Variants in DNAH7 observed in about 807,000 individuals in gnomAD.
The protein encoded by DNAH7 is dynein axonemal heavy chain 7.
A neutral mutation model predicts 444.6 loss-of-function variants in DNAH7; 397 were observed. That is an observed-to-expected ratio of 0.89 (90% CI 0.82 to 0.97). DNAH7 has a LOEUF of 0.97. DNAH7 is among the 50% of genes least tolerant of loss of function. The probability of loss-of-function intolerance (pLI) is 0.00; values close to 1 mark genes in which losing one functional copy is unlikely to be tolerated. For synonymous variants in DNAH7, 1,636 were observed against 1,624.4 expected, an observed-to-expected ratio of 1.01 and a Z score of -0.17; for missense variants, 4,902 against 4,800.8, an observed-to-expected ratio of 1.02 and a Z score of -0.62.
rs756398621 is a variant in DNAH7 at position 195,855,810 on chromosome 2, C to G, written c.8595+1G>C. On this transcript the variant is annotated splice_donor_variant, in intron 45 of 64. Transcript: ENST00000312428. LOFTEE classifies it high-confidence loss of function. ...CCATCTTTTTCTATATCAGCACACA[C>G]CTGGTTTTCCAGGTCAGCCTTCTTT... 6.2e-7 allele frequency: 1 copy of G among 1,612,554 alleles called. No individual in the cohort carries two copies. Among genetic ancestry groups the G allele is most frequent in the South Asian group, 1.1e-5 (1 of 90,838 alleles).
intron 5 of DNAH7, among the ~76,000 whole-genome samples, chr2:196,041,081 C>A (rs1696726776): frequency 6.6e-6 from 1 of 151,674 alleles, no homozygotes; most frequent in South Asian, 2.1e-4. Flanking sequence ...AAATGCAAAG[C>A]AATCATGGAT....
intron 10 of DNAH7, among the ~76,000 whole-genome samples, chr2:196,002,613 A>G (rs1324217031): frequency 1.3e-5 from 2 of 152,204 alleles, no homozygotes; most frequent in Admixed American, 6.5e-5. Flanking sequence ...TGAATGTTCC[A>G]AGAGAGAAAA....
rs1378440833 is a variant in DNAH7, at chr2:195,808,552, A to G, written c.10083+130T>C. On this transcript the variant is annotated intron_variant, in intron 53 of 64. Transcript: ENST00000312428. ...CTGACTTAGAAGGGGGGATAACATA[A>G]ATCAAAATTTGCATTCTAACATGTG... is the stretch of plus-strand genomic sequence containing the variant. The G allele has an allele frequency of 7.5e-6, 8 of 1,070,722 alleles. No individual in the cohort carries two copies. The East Asian group carries it at 2.1e-4, about 28-fold the overall frequency. 66.3% of individuals were successfully genotyped at this position (1,070,722 alleles called of 1,614,324 possible).
At chr2:196,054,660 C>A (rs1005576275) in intron 2 of DNAH7, among the ~76,000 whole-genome samples, 1 of 152,194 alleles carries the variant, frequency 6.6e-6, no homozygotes, top group African/African-American at 2.4e-5. Flanking sequence ...TGTGTCCCAA[C>A]CCAAATCTCA....
intron 10 of DNAH7, among the ~76,000 whole-genome samples, chr2:196,010,717 ATG>A: frequency 6.6e-6 from 1 of 152,172 alleles, no homozygotes; most frequent in South Asian, 2.1e-4. Context: ...TAGTGTGTGT[ATG>A]TGTGTGTGTA....
At chr2:195,742,791 C>T (rs1474693587) in intron 63 of DNAH7, among the ~76,000 whole-genome samples, 3 of 152,164 alleles carry the variant, frequency 2.0e-5, no homozygotes, top group Non-Finnish European at 4.4e-5. Context: ...GACTGAGTCA[C>T]CTAGTAGTAC....
At chr2:195,944,039 T>C (rs999553696) in intron 19 of DNAH7, among the ~76,000 whole-genome samples, 3 of 152,166 alleles carry the variant, frequency 2.0e-5, no homozygotes, top group Non-Finnish European at 4.4e-5. Context: ...TTCTAAGTCC[T>C]TGATTATGCA....
chr2:195,980,844 CAGG>C (rs1306471916), intron 15 of DNAH7, among the ~76,000 whole-genome samples: 1 of 150,262 alleles, frequency 6.7e-6, no homozygotes, highest in Non-Finnish European at 1.5e-5. Flanking sequence ...AAATTGTGCA[CAGG>C]AGGACACAAT....
chr2:195,788,106 ACACT>A (rs1275318370), intron 57 of DNAH7, among the ~76,000 whole-genome samples: 2 of 152,144 alleles, frequency 1.3e-5, no homozygotes, highest in Non-Finnish European at 2.9e-5. Context: ...ACCCATGAAA[ACACT>A]CACAAGAGAT....
chr2:196,012,757 G>A (rs746525483), intron 10 of DNAH7, 30 bp downstream of exon 10: 2 of 1,594,602 alleles, frequency 1.3e-6, no homozygotes, highest in Admixed American at 3.5e-5. Context: ...TTAAACTTAT[G>A]CTTTCCTACA....
chr2:195,897,767 TAAAAA>T lies in DNAH7; in HGVS notation c.4549-7_4549-3del. 3.6e-5 allele frequency: 41 copies of T among 1,145,308 alleles called. No homozygotes were observed. The highest frequency in any genetic ancestry group is 8.5e-5 in the Admixed American group (3 of 35,442). The allele number at this position is 1,145,308 out of a possible 1,614,324, so 70.9% of individuals were successfully genotyped here. A position where few individuals can be genotyped will look rare whatever the true frequency, so the allele number is the denominator to read the frequency against. On this transcript the variant is annotated splice_region_variant and splice_polypyrimidine_tract_variant and intron_variant, in intron 28 of 64. Transcript: ENST00000312428. ...TTCATTTTCATTTGGATATTTCAGC[TAAAAA>T]AAAAAAAAAAAACTCATGAGGATAT...
chr2:196,057,081 C>T (rs1002208577), intron 2 of DNAH7, among the ~76,000 whole-genome samples: 1 of 151,984 alleles, frequency 6.6e-6, no homozygotes, highest in Non-Finnish European at 1.5e-5. Context: ...TTAATTACTG[C>T]GGAAGAACTT....
chr2:196,023,355 A>G (rs1451138000), intron 8 of DNAH7, among the ~76,000 whole-genome samples: 1 of 152,194 alleles, frequency 6.6e-6, no homozygotes, highest in Non-Finnish European at 1.5e-5. Context: ...TGAGCCAACT[A>G]AACCTCTTTT....
chr2:195,866,177 C>T (rs1406167781), intron 40 of DNAH7, among the ~76,000 whole-genome samples: 2 of 152,098 alleles, frequency 1.3e-5, no homozygotes, highest in South Asian at 2.1e-4. Flanking sequence ...TTACCTACCT[C>T]GCAAATCTCA....
chr2:195,874,136 C>T (rs1197481405), intron 38 of DNAH7, among the ~76,000 whole-genome samples: 1 of 152,136 alleles, frequency 6.6e-6, no homozygotes, highest in Non-Finnish European at 1.5e-5. Flanking sequence ...TCAGCACAAC[C>T]ATGACATATA....
In DNAH7 at chr2:195,775,881, T is replaced by G. The variant is rs749341210; in HGVS notation, c.11167A>C (p.Thr3723Pro). The G allele has an allele frequency of 6.8e-6, 11 of 1,613,962 alleles. No homozygotes were observed. The highest frequency in any genetic ancestry group is 6.8e-6 in the Non-Finnish European group (8 of 1,180,002). ...NADITKDQSETQLLFDNILLT... is the reference protein window; with the variant it reads ...NADITKDQSEPQLLFDNILLT... The stretch of plus-strand genomic sequence containing the variant: ...AGAATGTTATCAAATAGCAGCTGAG[T>G]TTCTGACTGATCCTTAGTGATATCT... Residue 3723 changes from threonine (T) to proline (P), a missense_variant, in exon 60 of 65, where the codon ACT becomes CCT. Thr to Pro is a conservative substitution (Grantham distance 38). Coordinates refer to ENST00000312428, the MANE Select transcript of DNAH7 (RefSeq NM_018897.3).
In DNAH7 at chr2:195,786,571, T is replaced by A. The variant is rs538523467; in HGVS notation, c.10878+439A>T. On this transcript the variant is annotated intron_variant, in intron 58 of 64. Coordinates refer to ENST00000312428, the MANE Select transcript of DNAH7 (RefSeq NM_018897.3). The stretch of plus-strand genomic sequence containing the variant: ...GTTAACACCAATGGCTTAAATAGAT[T>A]TTTTTTTTTTTTCCTGACAAATGGT... Among the ~76,000 whole-genome samples, 1,425 of 143,242 alleles carry A rather than the reference T, an allele frequency of 9.9e-3. 10 individuals are homozygous for A. Among genetic ancestry groups the A allele is most frequent in the African/African-American group, 0.02 (766 of 38,754 alleles). The allele number at this position is 143,242 out of a possible 152,430, so 94.0% of individuals were successfully genotyped here.
At chr2:195,886,383 T>A in intron 33 of DNAH7, 111 bp from the exon 34 acceptor site, 1 of 968,318 alleles carries the variant, frequency 1.0e-6, no homozygotes, top group Non-Finnish European at 1.5e-6. Context: ...GTAATAATTT[T>A]AAATTCATAC....
At chr2:195,973,055 G>A (rs752270129) in intron 15 of DNAH7, among the ~76,000 whole-genome samples, 37 of 152,172 alleles carry the variant, frequency 2.4e-4, no homozygotes, top group Non-Finnish European at 4.6e-4. Context: ...AGAAGGAAAC[G>A]AGGGAATGAA....
Sources: allele counts gnomAD v4.1 joint callset (sites outside exome capture counted in the v4.1 genomes callset), GRCh38; gene constraint gnomAD v4.1.1; transcripts MANE v1.5; gene names NCBI Gene and HGNC (gene_info 2026-07-23, HGNC 2026-07-21).